Variants in DRICH1 observed in about 807,000 individuals in gnomAD.
DRICH1 encodes aspartate rich 1.
DRICH1 carries 38 observed loss-of-function variants against 39.5 expected under a neutral mutation model. That is an observed-to-expected ratio of 0.96 (90% CI 0.74 to 1.26). DRICH1 has a LOEUF of 1.26. Among genes scored for constraint, DRICH1 ranks in the 50% most tolerant of loss-of-function variants. DRICH1 has a pLI of 0.00. For synonymous variants in DRICH1, 84 were observed against 99.5 expected, an observed-to-expected ratio of 0.84 and a Z score of 0.93; for missense variants, 279 against 270.4, an observed-to-expected ratio of 1.03 and a Z score of -0.22.
intron 8 of DRICH1, 23 bp from the exon 9 acceptor site, chr22:23,614,237 T>G (rs1355408052): frequency 1.3e-6 from 2 of 1,576,380 alleles, no homozygotes; most frequent in Admixed American, 3.3e-5. Context: ...AGAGGAAAGA[T>G]CAGTGCACCG....
chr22:23,608,153 A>G (rs919035461), downstream of DRICH1: 1 of 153,778 alleles, frequency 6.5e-6, no homozygotes, highest in Non-Finnish European at 1.5e-5. Flanking sequence ...GCCTGCCGAG[A>G]AGTAGGTGGC....
the DRICH1 span, among the ~76,000 whole-genome samples, chr22:23,588,264 T>C: frequency 6.6e-6 from 1 of 152,146 alleles, no homozygotes; most frequent in South Asian, 2.1e-4. Context: ...GTCGCTGGGA[T>C]TACAGGTACC....
intron 2 of DRICH1, 61 bp downstream of exon 2, chr22:23,625,920 A>AC: frequency 7.3e-7 from 1 of 1,369,766 alleles, no homozygotes; most frequent in African/African-American, 1.4e-5. Context: ...TAGATGGGTG[A>AC]ATTTGTTTCT....
downstream of DRICH1, among the ~76,000 whole-genome samples, chr22:23,607,921 G>A (rs553297613): frequency 6.6e-6 from 1 of 152,330 alleles, no homozygotes; most frequent in South Asian, 2.1e-4. Context: ...GGGGAGCTTT[G>A]GCCCCAAGTT....
At chr22:23,631,771 G>T (rs375309950) in intron 1 of DRICH1, 45 bp downstream of exon 1, 4 of 1,502,394 alleles carry the variant, frequency 2.7e-6, no homozygotes, top group South Asian at 2.3e-5. Context: ...GGTGGGGGTG[G>T]CCAGAGGTGT....
chr22:23,618,684 C>T (rs1440040072), intron 6 of DRICH1, among the ~76,000 whole-genome samples: 1 of 152,110 alleles, frequency 6.6e-6, no homozygotes, highest in Non-Finnish European at 1.5e-5. Flanking sequence ...TGACTCTGAA[C>T]ACTTTCTGCC....
the DRICH1 span, among the ~76,000 whole-genome samples, chr22:23,596,268 C>T: frequency 2.0e-5 from 3 of 147,084 alleles, no homozygotes; most frequent in Admixed American, 2.0e-4. Context: ...TGTCCCCTTC[C>T]TCTTCCCCTT....
At chr22:23,625,184 G>GATGGATGCTGTCATTTAAAAAC in intron 2 of DRICH1, among the ~76,000 whole-genome samples, 1 of 152,216 alleles carries the variant, frequency 6.6e-6, no homozygotes, top group African/African-American at 2.4e-5. Flanking sequence ...TACAGTTGAT[G>GATGGATGCTGTCATTTAAAAAC]ATGGATGCTG....
the DRICH1 span, among the ~76,000 whole-genome samples, chr22:23,600,396 C>T: frequency 6.6e-6 from 1 of 152,182 alleles, no homozygotes; most frequent in East Asian, 1.9e-4. Context: ...TAGCTCTGCA[C>T]CTAGCATTTT....
In DRICH1 at chr22:23,631,801, C is replaced by T. The variant is rs755563344; in HGVS notation, c.208+15G>A. 1 of 1,609,038 alleles carries T rather than the reference C, an allele frequency of 6.2e-7. No homozygotes were observed. Among genetic ancestry groups the T allele is most frequent in the South Asian group, 1.1e-5 (1 of 90,892 alleles). ...AGGTGTGCCAGAGGGTAAACGGCACCCGTGGCTTTTTTACCTGTGGGCATC... is the reference window on the plus strand; with the variant it reads ...AGGTGTGCCAGAGGGTAAACGGCACTCGTGGCTTTTTTACCTGTGGGCATC... On this transcript the variant is annotated intron_variant, in intron 1 of 11. Transcript: ENST00000317749.
rs1927670417 is a variant in DRICH1, at chr22:23,620,679, A to ATTTTACCG, written c.385-65_385-64insCGGTAAAA. The ATTTTACCG allele has an allele frequency of 1.9e-6, 3 of 1,572,928 alleles. No individual in the cohort carries two copies. The African/African-American group carries it at 4.0e-5, about 21-fold the overall frequency. ...CAATTCTGCTGCACCCCTTACACAGATCTGTTATTCTCTTGATGACTTCAG... is the reference window on the plus strand; with the variant it reads ...CAATTCTGCTGCACCCCTTACACAGATTTTACCGTCTGTTATTCTCTTGATGACTTCAG... On this transcript the variant is annotated intron_variant, in intron 4 of 11. Coordinates refer to ENST00000317749, the MANE Select transcript of DRICH1 (RefSeq NM_016449.4).
At chr22:23,620,307 T>C (rs1247960567) in intron 5 of DRICH1, among the ~76,000 whole-genome samples, 1 of 152,132 alleles carries the variant, frequency 6.6e-6, no homozygotes, top group African/African-American at 2.4e-5. Context: ...CCTGCTGAGA[T>C]TCTCCAGAAT....
chr22:23,588,256 C>T, the DRICH1 span, among the ~76,000 whole-genome samples: 3 of 152,066 alleles, frequency 2.0e-5, no homozygotes, highest in Non-Finnish European at 2.9e-5. Flanking sequence ...CTTCCCAAGT[C>T]GCTGGGATTA....
chr22:23,596,475 A>G, the DRICH1 span, among the ~76,000 whole-genome samples: 1 of 152,206 alleles, frequency 6.6e-6, no homozygotes, highest in South Asian at 2.1e-4. Context: ...AGGCTGGTTT[A>G]AACTCCTGGC....
chr22:23,582,381 A>G, the DRICH1 span, among the ~76,000 whole-genome samples: 1 of 148,980 alleles, frequency 6.7e-6, no homozygotes, highest in Non-Finnish European at 1.5e-5. Flanking sequence ...TTCTGTCCCC[A>G]TTCAACACCA....
chr22:23,591,731 C>T, the DRICH1 span, among the ~76,000 whole-genome samples: 1 of 152,168 alleles, frequency 6.6e-6, no homozygotes, highest in African/African-American at 2.4e-5. Flanking sequence ...CTTGCGAAAT[C>T]ATTGTTTTTA....
chr22:23,589,688 G>C, the DRICH1 span, among the ~76,000 whole-genome samples: 1 of 152,086 alleles, frequency 6.6e-6, no homozygotes, highest in Non-Finnish European at 1.5e-5. Flanking sequence ...CCTCACTCTT[G>C]AGTGTCCTCC....
At chr22:23,585,214 T>A in the DRICH1 span, among the ~76,000 whole-genome samples, 1 of 152,176 alleles carries the variant, frequency 6.6e-6, no homozygotes, top group East Asian at 1.9e-4. Context: ...CAGGGCTGAC[T>A]GCAGCCTCCA....
At chr22:23,582,799 G>A in the DRICH1 span, among the ~76,000 whole-genome samples, 1 of 152,026 alleles carries the variant, frequency 6.6e-6, no homozygotes. Flanking sequence ...GATCTCAGGC[G>A]ATCAGCCCAC....
Sources: gnomAD v4.1 joint callset for allele counts (sites outside exome capture counted in the v4.1 genomes callset) on GRCh38, gnomAD v4.1.1 for gene constraint, MANE v1.5 for transcripts, NCBI Gene and HGNC (gene_info 2026-07-23, HGNC 2026-07-21) for gene names.